Variants in TMEM132C observed in about 807,000 individuals in gnomAD.
The protein encoded by TMEM132C is transmembrane protein 132C.
Under a neutral mutation model 61.4 loss-of-function variants are expected in TMEM132C, and 29 were observed. The observed-to-expected ratio is 0.47, with a 90% confidence interval of 0.35 to 0.64. TMEM132C has a LOEUF of 0.64. Among genes scored for constraint, TMEM132C ranks in the 30% least tolerant of loss-of-function variants. TMEM132C has a pLI of 0.00. For synonymous variants in TMEM132C, 656 were observed against 633.1 expected (o/e 1.04, Z -0.54); for missense variants, 1,408 against 1,476.9 (o/e 0.95, Z 0.76).
intron 2 of TMEM132C, among the ~76,000 whole-genome samples, chr12:128,536,598 T>C (rs368644931): frequency 3.3e-5 from 5 of 152,184 alleles, no homozygotes; most frequent in African/African-American, 9.6e-5. Context: ...ACTCCTAAGT[T>C]TGGCAGGTGA....
chr12:128,643,799 A>AAGC (rs1954175811), intron 4 of TMEM132C, among the ~76,000 whole-genome samples: 1 of 152,088 alleles, frequency 6.6e-6, no homozygotes, highest in Admixed American at 6.5e-5. Flanking sequence ...GGTTGATGAT[A>AAGC]AGCCAGAATG....
At chr12:128,420,950 T>G (rs1421317940) in intron 2 of TMEM132C, among the ~76,000 whole-genome samples, 1 of 152,222 alleles carries the variant, frequency 6.6e-6, no homozygotes, top group Admixed American at 6.5e-5. Flanking sequence ...GATGTGGGAA[T>G]AACAGTGAAG....
intron 5 of TMEM132C, among the ~76,000 whole-genome samples, chr12:128,682,958 C>T (rs1193295963): frequency 2.6e-5 from 4 of 152,156 alleles, no homozygotes; most frequent in Non-Finnish European, 5.9e-5. Context: ...GCATTCTCTG[C>T]CTGCATCTTC....
At chr12:128,469,674 A>ATT (rs1317617485) in intron 2 of TMEM132C, among the ~76,000 whole-genome samples, 1 of 148,594 alleles carries the variant, frequency 6.7e-6, no homozygotes, top group Non-Finnish European at 1.5e-5. Context: ...ATATATATAT[A>ATT]TGTGCATTTA....
chr12:128,471,581 G>A (rs920014164), intron 2 of TMEM132C, among the ~76,000 whole-genome samples: 22 of 152,232 alleles, frequency 1.4e-4, no homozygotes, highest in African/African-American at 5.1e-4. Flanking sequence ...ATGGGAGGCA[G>A]CCTGTAACCG....
At chr12:128,390,039 A>G (rs1400567412) in intron 1 of TMEM132C, among the ~76,000 whole-genome samples, 1 of 152,094 alleles carries the variant, frequency 6.6e-6, no homozygotes, top group Non-Finnish European at 1.5e-5. Context: ...CACCATGCCA[A>G]GCTAATTTTT....
At chr12:128,268,364 G>A (rs1192303575) in intron 1 of TMEM132C, among the ~76,000 whole-genome samples, 1 of 152,328 alleles carries the variant, frequency 6.6e-6, no homozygotes, top group East Asian at 1.9e-4. Context: ...CGGATGCGGC[G>A]GCGGGAAGGG....
chr12:128,506,814 G>T (rs979139980), intron 2 of TMEM132C, among the ~76,000 whole-genome samples: 5 of 152,188 alleles, frequency 3.3e-5, no homozygotes, highest in Admixed American at 2.6e-4. Flanking sequence ...CACAGTGTTT[G>T]CCTCCAGAAT....
rs577589826 is a variant in TMEM132C at position 128,477,145 on chromosome 12, G to C, written c.974+61525G>C. On this transcript the variant is annotated intron_variant, in intron 2 of 8. Transcript: ENST00000435159. ...TTTCTCTCTATTGTGAAGGCTGCCT[G>C]GGGGAGGGAACTGGTTGGCCGATTT... Among the ~76,000 whole-genome samples, 3 of 152,308 alleles carry C rather than the reference G, an allele frequency of 2.0e-5. No individual in the cohort carries two copies. The South Asian group carries it at 6.2e-4, about 32-fold the overall frequency.
intron 5 of TMEM132C, among the ~76,000 whole-genome samples, chr12:128,678,749 G>A (rs1271532658): frequency 2.0e-5 from 3 of 152,166 alleles, no homozygotes; most frequent in Non-Finnish European, 2.9e-5. Context: ...GACGCTGCTT[G>A]TACATCCTGC....
chr12:128,303,539 A>C (rs1871665033), intron 1 of TMEM132C, among the ~76,000 whole-genome samples: 1 of 152,318 alleles, frequency 6.6e-6, no homozygotes, highest in East Asian at 1.9e-4. Flanking sequence ...ACTCAAGCAA[A>C]TAATATTTGT....
chr12:128,640,001 T>C (rs549612637), intron 4 of TMEM132C, among the ~76,000 whole-genome samples: 48 of 152,342 alleles, frequency 3.2e-4, no homozygotes, highest in African/African-American at 1.1e-3. Context: ...GATTCCTGAC[T>C]TAAAGAATGA....
chr12:128,486,937 T>C (rs1871518386), intron 2 of TMEM132C, among the ~76,000 whole-genome samples: 1 of 150,396 alleles, frequency 6.6e-6, no homozygotes, highest in African/African-American at 2.5e-5. Flanking sequence ...GCACTTTTAG[T>C]GCTAGTACTA....
At chr12:128,286,962 A>G (rs758175807) in intron 1 of TMEM132C, among the ~76,000 whole-genome samples, 8 of 152,220 alleles carry the variant, frequency 5.3e-5, no homozygotes, top group Non-Finnish European at 1.2e-4. Flanking sequence ...AAGAAAAACT[A>G]TGTTATCTCT....
At chr12:128,338,899 G>A (rs535150406) in intron 1 of TMEM132C, among the ~76,000 whole-genome samples, 1 of 152,096 alleles carries the variant, frequency 6.6e-6, no homozygotes, top group South Asian at 2.1e-4. Context: ...CCTACACAGA[G>A]GGCTTTGGGT....
At chr12:128,440,547 T>C (rs1041598381) in intron 2 of TMEM132C, among the ~76,000 whole-genome samples, 3 of 152,218 alleles carry the variant, frequency 2.0e-5, no homozygotes, top group Non-Finnish European at 4.4e-5. Flanking sequence ...ACATCTCTGC[T>C]GCCCTCCAAA....
chr12:128,396,568 AAAT>A (rs755884774), intron 1 of TMEM132C, among the ~76,000 whole-genome samples: 27 of 151,952 alleles, frequency 1.8e-4, no homozygotes, highest in Non-Finnish European at 2.4e-4. Flanking sequence ...ACTTAAAGTA[AAAT>A]AATAATAATA....
chr12:128,574,903 T>G (rs1475770297), intron 3 of TMEM132C, among the ~76,000 whole-genome samples: 2 of 152,230 alleles, frequency 1.3e-5, no homozygotes, highest in African/African-American at 4.8e-5. Flanking sequence ...CTGACTGGTC[T>G]CTGAAGACAT....
At chr12:128,333,569 G>A (rs1469967060) in intron 1 of TMEM132C, among the ~76,000 whole-genome samples, 1 of 151,528 alleles carries the variant, frequency 6.6e-6, no homozygotes, top group Non-Finnish European at 1.5e-5. Context: ...TGTTGGTTGT[G>A]TGTATATGTG....
Sources: gnomAD v4.1 joint callset for allele counts (sites outside exome capture counted in the v4.1 genomes callset) on GRCh38, gnomAD v4.1.1 for gene constraint, MANE v1.5 for transcripts, NCBI Gene and HGNC (gene_info 2026-07-23, HGNC 2026-07-21) for gene names.